C3orf20: variants seen among roughly 807,000 people sequenced by gnomAD.
The protein encoded by C3orf20 is uncharacterized protein C3orf20.
In C3orf20, 76 loss-of-function variants were observed where a neutral mutation model predicts 88.3. The ratio of observed to expected loss-of-function variants is 0.86; its 90% CI spans 0.72 to 1.04. C3orf20 has a LOEUF of 1.04. Ranked by LOEUF, C3orf20 falls within the 50% of genes least tolerant of loss-of-function variation. C3orf20 has a pLI of 0.00. For synonymous variants in C3orf20, 436 were observed against 437.4 expected (o/e 1.00, Z 0.04); for missense variants, 1,056 against 1,123.3 (o/e 0.94, Z 0.86).
At chr3:14,700,264 T>TA (rs2033197196) in intron 5 of C3orf20, among the ~76,000 whole-genome samples, 1 of 151,524 alleles carries the variant, frequency 6.6e-6, no homozygotes, top group Admixed American at 6.6e-5. Context: ...TTTGTGTAGG[T>TA]AGTTGTTAAA....
intron 15 of C3orf20, among the ~76,000 whole-genome samples, chr3:14,770,002 T>C (rs2035817582): frequency 6.6e-6 from 1 of 152,134 alleles, no homozygotes; most frequent in African/African-American, 2.4e-5. Context: ...CCTGCACTCC[T>C]CAAGCACTCA....
intron 7 of C3orf20, among the ~76,000 whole-genome samples, chr3:14,707,248 C>A (rs1387077519): frequency 6.2e-3 from 582 of 93,688 alleles, no homozygotes; most frequent in Middle Eastern, 6.8e-3. Flanking sequence ...GACTCCGTCT[C>A]AAAAAAAAAA....
At chr3:14,742,419 G>A (rs942643203) in intron 12 of C3orf20, among the ~76,000 whole-genome samples, 1 of 152,206 alleles carries the variant, frequency 6.6e-6, no homozygotes, top group African/African-American at 2.4e-5. Context: ...TGGGGACACT[G>A]GCCCAGGTGG....
chr3:14,760,351 C>T (rs1158739174), intron 14 of C3orf20, among the ~76,000 whole-genome samples: 1 of 152,128 alleles, frequency 6.6e-6, no homozygotes, highest in Non-Finnish European at 1.5e-5. Flanking sequence ...TTATGGAAAG[C>T]TTAGAAAATA....
At chr3:14,754,307 C>T (rs547346753) in intron 12 of C3orf20, among the ~76,000 whole-genome samples, 1 of 152,168 alleles carries the variant, frequency 6.6e-6, no homozygotes, top group East Asian at 1.9e-4. Flanking sequence ...AAAACAAAGT[C>T]AAGCTCTGAG....
chr3:14,728,316 A>T, intron 11 of C3orf20, 123 bp from the exon 12 acceptor site: 1 of 1,157,158 alleles, frequency 8.6e-7, no homozygotes. Flanking sequence ...CGGAGAATCA[A>T]TGAGAGCGGA....
intron 7 of C3orf20, among the ~76,000 whole-genome samples, chr3:14,710,476 T>A (rs2124950676): frequency 6.6e-6 from 1 of 152,314 alleles, no homozygotes; most frequent in South Asian, 2.1e-4. Flanking sequence ...TTAATGTTGG[T>A]ATTTACAGCT....
At chr3:14,708,631 G>C (rs1307719989) in intron 7 of C3orf20, among the ~76,000 whole-genome samples, 1 of 151,946 alleles carries the variant, frequency 6.6e-6, no homozygotes, top group Non-Finnish European at 1.5e-5. Context: ...ACCATTAACA[G>C]TTTGTTGTTG....
At chr3:14,754,502 C>G (rs1266842320) in intron 12 of C3orf20, among the ~76,000 whole-genome samples, 2 of 152,206 alleles carry the variant, frequency 1.3e-5, no homozygotes, top group Non-Finnish European at 2.9e-5. Flanking sequence ...CTACAATGCT[C>G]TCTTACCAAA....
intron 14 of C3orf20, among the ~76,000 whole-genome samples, 154 bp downstream of exon 14, chr3:14,760,152 A>G (rs2035515800): frequency 6.6e-6 from 1 of 152,232 alleles, no homozygotes; most frequent in African/African-American, 2.4e-5. Flanking sequence ...CCCAGAGAGC[A>G]GGAAGACTGA....
At chr3:14,690,363 T>C (rs2032665505) in intron 5 of C3orf20, among the ~76,000 whole-genome samples, 2 of 152,142 alleles carry the variant, frequency 1.3e-5, no homozygotes, top group Non-Finnish European at 2.9e-5. Context: ...ATGCCCTACA[T>C]TCCCAGCGAT....
intron 1 of C3orf20, among the ~76,000 whole-genome samples, chr3:14,679,101 A>C (rs1361866825): frequency 6.6e-6 from 1 of 152,190 alleles, no homozygotes; most frequent in Admixed American, 6.5e-5. Flanking sequence ...TCTTGTTCCT[A>C]TCTGCCTGGC....
Position 14,690,158 on chromosome 3 carries a change from C to T in C3orf20, c.745+42C>T, listed in dbSNP as rs371682903. 4.6e-5 allele frequency: 74 copies of T among 1,603,954 alleles called. 1 individual carries two copies. The highest frequency in any genetic ancestry group is 3.2e-4 in the African/African-American group (24 of 74,694). ...GTGGCCTACCATTCATTGGTGGTGG[C>T]GGTGGGGTGGGGGATAGGTTTCCGT... On this transcript the variant is annotated intron_variant, in intron 5 of 16. Transcript: ENST00000253697.
chr3:14,754,311 C>A (rs959182121), intron 12 of C3orf20, among the ~76,000 whole-genome samples: 1 of 152,204 alleles, frequency 6.6e-6, no homozygotes, highest in Admixed American at 6.5e-5. Flanking sequence ...CAAAGTCAAG[C>A]TCTGAGCTGA....
At chr3:14,755,529 T>G (rs1453096944) in intron 12 of C3orf20, among the ~76,000 whole-genome samples, 2 of 152,212 alleles carry the variant, frequency 1.3e-5, no homozygotes, top group Non-Finnish European at 2.9e-5. Flanking sequence ...GATATGCAGG[T>G]TCTTGAGTAA....
At chr3:14,676,212 C>T (rs979517731) in intron 1 of C3orf20, among the ~76,000 whole-genome samples, 3 of 150,478 alleles carry the variant, frequency 2.0e-5, no homozygotes, top group Non-Finnish European at 3.0e-5. Context: ...TAGTTGTTCA[C>T]GGTTTTTGAA....
intron 9 of C3orf20, among the ~76,000 whole-genome samples, chr3:14,718,198 G>A (rs2034010041): frequency 1.3e-5 from 2 of 151,760 alleles, no homozygotes; most frequent in African/African-American, 4.8e-5. Flanking sequence ...TTGTCCCAAG[G>A]GTTCCTAAAG....
Position 14,683,215 on chromosome 3 carries a change from G to A in C3orf20, c.484+18G>A, listed in dbSNP as rs1168038750. 3 of 1,547,058 alleles carry A rather than the reference G, an allele frequency of 1.9e-6. No individual in the cohort carries two copies. The highest frequency in any genetic ancestry group is 2.6e-6 in the Non-Finnish European group (3 of 1,147,018). ...TATGTCGGGTAAGGCCCAGATGTTTGTGTATGTGCCCACCACACCCACTAC... is the reference window on the plus strand; with the variant it reads ...TATGTCGGGTAAGGCCCAGATGTTTATGTATGTGCCCACCACACCCACTAC... On this transcript the variant is annotated intron_variant, in intron 3 of 16. Coordinates refer to ENST00000253697, the MANE Select transcript of C3orf20 (RefSeq NM_032137.5).
chr3:14,682,941 C>A lies in C3orf20; in HGVS notation c.228C>A (p.Pro76=), dbSNP rs369772449. Residue 76 remains proline (P), a synonymous_variant, in exon 3 of 17, where the codon CCC becomes CCA. Transcript: ENST00000253697. ...GCCTGGAGGTCAGCTTTGGAGCCCC[C>A]CTGGTGGTGCTCATGGAACCCACCT... ...ILGLEVSFGA[P]LVVLMEPTFV... 6.2e-7 allele frequency: 1 copy of A among 1,614,204 alleles called. No individual in the cohort carries two copies. Among genetic ancestry groups the A allele is most frequent in the African/African-American group, 1.3e-5 (1 of 75,050 alleles).
Sources: gnomAD v4.1 joint callset for allele counts (sites outside exome capture counted in the v4.1 genomes callset) on GRCh38, gnomAD v4.1.1 for gene constraint, MANE v1.5 for transcripts, NCBI Gene and HGNC (gene_info 2026-07-23, HGNC 2026-07-21) for gene names.